Variants in CADPS2 observed in about 807,000 individuals in gnomAD.
The protein encoded by CADPS2 is calcium dependent secretion activator 2.
CADPS2 carries 93 observed loss-of-function variants against 172.5 expected under a neutral mutation model. The ratio of observed to expected loss-of-function variants is 0.54; its 90% CI spans 0.46 to 0.64. The LOEUF (loss-of-function observed/expected upper bound fraction) is 0.64, where lower values mean the gene tolerates loss of function less well. Among genes scored for constraint, CADPS2 ranks in the 30% least tolerant of loss-of-function variants. The pLI is 0.00. For missense variants in CADPS2, 1,420 were observed against 1,565.9 expected (o/e 0.91, Z 1.57); for synonymous variants, 546 against 555.2 (o/e 0.98, Z 0.23).
At position 122,554,668 on chromosome 7, in the gene CADPS2, T is replaced by G. The variant is rs1020378264; in HGVS notation, c.1357A>C (p.Asn453His). Residue 453 changes from asparagine to histidine, a missense_variant, in exon 8 of 30, where the codon AAT becomes CAT. Physicochemically the swap from Asn to His is moderately conservative, Grantham distance 68. Coordinates refer to ENST00000449022, the MANE Select transcript of CADPS2 (RefSeq NM_017954.11). ...LGRVILYPTS[N>H]SSKSAELHRM... is the part of the protein sequence containing the mutation. Reference sequence around the variant, plus strand: ...TGTAATTCAGCTGATTTGGAGCTATTAGAAGTTGGGTATAATATCACCTGT... The same window carrying G: ...TGTAATTCAGCTGATTTGGAGCTATGAGAAGTTGGGTATAATATCACCTGT... 3 of 1,609,312 alleles carry G rather than the reference T, an allele frequency of 1.9e-6. No individual in the cohort carries two copies. The highest frequency in any genetic ancestry group is 4.5e-5 in the East Asian group (2 of 44,630).
intron 25 of CADPS2, chr7:122,378,760 TATC>T (rs1484570773): frequency 6.6e-6 from 1 of 152,228 alleles, no homozygotes; most frequent in Non-Finnish European, 1.5e-5. Flanking sequence ...TTCCTTTCCT[TATC>T]AGCCCCCGAT....
intron 1 of CADPS2, among the ~76,000 whole-genome samples, chr7:122,775,071 T>C (rs1453048911): frequency 1.3e-5 from 2 of 152,206 alleles, no homozygotes; most frequent in African/African-American, 2.4e-5. Context: ...TTTCATTTTA[T>C]ATATTCAGTT....
chr7:122,620,111 A>G (rs1008897000), intron 5 of CADPS2, among the ~76,000 whole-genome samples: 1 of 152,260 alleles, frequency 6.6e-6, no homozygotes, highest in African/African-American at 2.4e-5. Flanking sequence ...TGAAGTTTCA[A>G]TAAAAAAATT....
At chr7:122,676,804 G>C in intron 2 of CADPS2, 1 of 816,500 alleles carries the variant, frequency 1.2e-6, no homozygotes, top group Non-Finnish European at 1.9e-6. Context: ...CATGGGACAA[G>C]ATTCCGAACT....
chr7:122,328,855 C>T (rs2034415358), intron 28 of CADPS2, among the ~76,000 whole-genome samples: 1 of 152,092 alleles, frequency 6.6e-6, no homozygotes, highest in Non-Finnish European at 1.5e-5. Context: ...ACTTGCTTTC[C>T]AGCCCTGGGA....
chr7:122,644,687 T>G (rs1193813193), intron 3 of CADPS2, among the ~76,000 whole-genome samples: 1 of 152,174 alleles, frequency 6.6e-6, no homozygotes. Context: ...GTCCTTTTTC[T>G]TAATCATTGA....
rs534766449 is a variant in CADPS2 at position 122,839,892 on chromosome 7, A to C, written c.339+46107T>G. ...TGTGGCAATTCCTCAAGGATCTAAA[A>C]CTAGAAATACCATTTGACCCAGCCA... On this transcript the variant is annotated intron_variant, in intron 1 of 29. Transcript: ENST00000449022. Among the ~76,000 whole-genome samples the C allele has an allele frequency of 4.6e-5, 7 of 152,324 alleles. No individual in the cohort carries two copies. The East Asian group carries it at 1.4e-3, about 29-fold the overall frequency.
rs535940404 is a variant in CADPS2 at position 122,762,993 on chromosome 7, A to G, written c.340-25925T>C. ...TTCAGGAGGCCTGCGAAGGTGACCTACAGAGCAACCAGTTTCAATAGTAGA... is the reference window on the plus strand; with the variant it reads ...TTCAGGAGGCCTGCGAAGGTGACCTGCAGAGCAACCAGTTTCAATAGTAGA... On this transcript the variant is annotated intron_variant, in intron 1 of 29. Coordinates refer to ENST00000449022, the MANE Select transcript of CADPS2 (RefSeq NM_017954.11). Among the ~76,000 whole-genome samples, 7 of 152,256 alleles carry G rather than the reference A, an allele frequency of 4.6e-5. No homozygotes were observed. The Middle Eastern group carries it at 0.01, about 222-fold the overall frequency.
chr7:122,762,278 C>A (rs996734575), intron 1 of CADPS2, among the ~76,000 whole-genome samples: 2 of 151,796 alleles, frequency 1.3e-5, no homozygotes, highest in Non-Finnish European at 2.9e-5. Context: ...AGTCCAACAG[C>A]AGATTCAGTG....
rs1181406092 is a variant in CADPS2, at chr7:122,675,029, A to AT, written c.454-11461dup. Among the ~76,000 whole-genome samples, 31 of 152,174 alleles carry AT rather than the reference A, an allele frequency of 2.0e-4. No individual in the cohort carries two copies. The East Asian group carries it at 3.7e-3, about 18-fold the overall frequency. On this transcript the variant is annotated intron_variant, in intron 2 of 29. Transcript: ENST00000449022. ...GGTTTTCCAGTATGTAAATACCAGT[A>AT]TTTTTTTTACGTGGAAACATTTTAC...
intron 3 of CADPS2, among the ~76,000 whole-genome samples, chr7:122,643,837 TC>T (rs1390223704): frequency 6.6e-6 from 1 of 152,068 alleles, no homozygotes; most frequent in Non-Finnish European, 1.5e-5. Context: ...ATGCCTATAA[TC>T]CCAGCATTTT....
chr7:122,343,445 T>C (rs1436418583), intron 28 of CADPS2, among the ~76,000 whole-genome samples: 3 of 152,226 alleles, frequency 2.0e-5, no homozygotes, highest in Non-Finnish European at 4.4e-5. Flanking sequence ...GCCACTTTAG[T>C]TCCCTCTGTC....
intron 20 of CADPS2, among the ~76,000 whole-genome samples, chr7:122,400,245 G>A (rs922108697): frequency 6.6e-6 from 1 of 151,776 alleles, no homozygotes; most frequent in African/African-American, 2.4e-5. Context: ...AGACCAGCTG[G>A]ACCAACATGC....
chr7:122,548,985 T>C (rs1258446717), intron 8 of CADPS2, among the ~76,000 whole-genome samples: 1 of 152,206 alleles, frequency 6.6e-6, no homozygotes, highest in African/African-American at 2.4e-5. Context: ...AAGGACCTAA[T>C]AGGGATATAA....
intron 19 of CADPS2, 142 bp downstream of exon 19, chr7:122,413,926 T>C: frequency 1.5e-6 from 1 of 682,146 alleles, no homozygotes; most frequent in Non-Finnish European, 2.4e-6. Flanking sequence ...ATTAGCACAT[T>C]CAAAGAAAAA....
intron 12 of CADPS2, among the ~76,000 whole-genome samples, chr7:122,477,543 C>CAAAAAAAAAAAAAAA (rs74426975): frequency 1.8e-5 from 2 of 112,110 alleles, no homozygotes; most frequent in Non-Finnish European, 3.9e-5. Context: ...CCGACCCCAC[C>CAAAAAAAAAAAAAAA]AAAAAAAAAA....
chr7:122,837,542 A>G (rs1054515655), intron 1 of CADPS2, among the ~76,000 whole-genome samples: 1 of 152,188 alleles, frequency 6.6e-6, no homozygotes, highest in African/African-American at 2.4e-5. Flanking sequence ...CAAGACTAAT[A>G]AAGAAGAAAA....
intron 6 of CADPS2, among the ~76,000 whole-genome samples, chr7:122,608,657 T>C (rs1341130057): frequency 6.6e-6 from 1 of 152,178 alleles, no homozygotes; most frequent in Non-Finnish European, 1.5e-5. Flanking sequence ...CTTCTTGTCT[T>C]TTTATTACTT....
At chr7:122,748,484 T>C (rs2092813541) in intron 1 of CADPS2, among the ~76,000 whole-genome samples, 1 of 152,150 alleles carries the variant, frequency 6.6e-6, no homozygotes, top group African/African-American at 2.4e-5. Context: ...AGCAGACAAC[T>C]GTGAGCCAGT....
Sources: allele counts gnomAD v4.1 joint callset (sites outside exome capture counted in the v4.1 genomes callset), GRCh38; gene constraint gnomAD v4.1.1; transcripts MANE v1.5; gene names NCBI Gene and HGNC (gene_info 2026-07-23, HGNC 2026-07-21).